RBFOX1: variants seen among roughly 807,000 people sequenced by gnomAD.
The protein encoded by RBFOX1 is RNA binding protein fox-1 homolog 1.
Under a neutral mutation model 57.7 loss-of-function variants are expected in RBFOX1, and 8 were observed. That is an observed-to-expected ratio of 0.14 (90% CI 0.08 to 0.25). The LOEUF (loss-of-function observed/expected upper bound fraction) is 0.25, where lower values mean the gene tolerates loss of function less well. Ranked by LOEUF, RBFOX1 falls within the 10% of genes least tolerant of loss-of-function variation. The probability of loss-of-function intolerance (pLI) is 1.00; values close to 1 mark genes in which losing one functional copy is unlikely to be tolerated. For missense variants in RBFOX1, 611 were observed against 548.5 expected, an observed-to-expected ratio of 1.11 and a Z score of -1.14; for synonymous variants, 326 against 222.4, an observed-to-expected ratio of 1.47 and a Z score of -4.15.
chr16:5,509,604 C>T (rs1291049958), intron 2 of RBFOX1, among the ~76,000 whole-genome samples: 2 of 152,148 alleles, frequency 1.3e-5, no homozygotes, highest in Non-Finnish European at 2.9e-5. Flanking sequence ...CAGTGAGGGG[C>T]CCTTGCAAAT....
intron 5 of RBFOX1, among the ~76,000 whole-genome samples, chr16:7,520,723 G>T (rs1341724669): frequency 1.3e-5 from 2 of 152,170 alleles, no homozygotes; most frequent in African/African-American, 2.4e-5. Context: ...CTTTTGCGCT[G>T]ACTACCAGGT....
chr16:6,942,385 C>G (rs992584409), intron 3 of RBFOX1, among the ~76,000 whole-genome samples: 7 of 152,138 alleles, frequency 4.6e-5, no homozygotes, highest in Non-Finnish European at 8.8e-5. Context: ...ATCTCGAACC[C>G]TTGGGTTCAA....
chr16:6,805,305 G>A (rs904283209), intron 3 of RBFOX1, among the ~76,000 whole-genome samples: 2 of 152,140 alleles, frequency 1.3e-5, no homozygotes, highest in African/African-American at 2.4e-5. Context: ...AACAAATATT[G>A]CATGTTCTCA....
intron 4 of RBFOX1, among the ~76,000 whole-genome samples, chr16:7,482,064 G>C (rs578251315): frequency 6.6e-6 from 1 of 152,226 alleles, no homozygotes; most frequent in Non-Finnish European, 1.5e-5. Context: ...AAATCAAGCC[G>C]TGCAGCGTCC....
At chr16:7,699,015 G>T (rs916586165) in intron 14 of RBFOX1, among the ~76,000 whole-genome samples, 1 of 152,170 alleles carries the variant, frequency 6.6e-6, no homozygotes, top group African/African-American at 2.4e-5. Context: ...ATGCACCAAA[G>T]TCACCTGGAG....
At chr16:5,821,774 T>C (rs2055866325) in intron 3 of RBFOX1, among the ~76,000 whole-genome samples, 1 of 152,192 alleles carries the variant, frequency 6.6e-6, no homozygotes, top group African/African-American at 2.4e-5. Flanking sequence ...GTTCAGTGTT[T>C]AGTGAGGGCT....
At chr16:7,010,372 C>A (rs562819396) in intron 3 of RBFOX1, among the ~76,000 whole-genome samples, 1 of 152,140 alleles carries the variant, frequency 6.6e-6, no homozygotes, top group Non-Finnish European at 1.5e-5. Context: ...CAGACTCTTA[C>A]GCTAGGACAC....
chr16:6,342,698 G>A (rs1342142474), intron 2 of RBFOX1, among the ~76,000 whole-genome samples: 1 of 152,100 alleles, frequency 6.6e-6, no homozygotes, highest in African/African-American at 2.4e-5. Context: ...TCCTCTAAAT[G>A]CTTTTTGTGA....
chr16:5,851,430 C>T lies in RBFOX1; in HGVS notation c.319-15873C>T, dbSNP rs114824570. 6.7e-3 allele frequency among the ~76,000 whole-genome samples: 1,024 copies of T among 152,194 alleles called. 13 individuals are homozygous for T. The highest frequency in any genetic ancestry group is 0.023 in the African/African-American group (955 of 41,530). On this transcript the variant is annotated intron_variant, in intron 3 of 19. Coordinates refer to the RBFOX1 transcript ENST00000641259. Reference sequence around the variant, plus strand: ...TCTGCATCCCTCCTCCTTAATTTTCCTCTGTGTGTTTTCCAAGGCATTCTC... The same window carrying T: ...TCTGCATCCCTCCTCCTTAATTTTCTTCTGTGTGTTTTCCAAGGCATTCTC...
At chr16:7,257,726 A>C (rs1404989144) in intron 4 of RBFOX1, among the ~76,000 whole-genome samples, 1 of 152,186 alleles carries the variant, frequency 6.6e-6, no homozygotes, top group Non-Finnish European at 1.5e-5. Flanking sequence ...TCTGTTCTGC[A>C]TAGATGTTGC....
At chr16:7,482,077 A>G (rs1296860703) in intron 4 of RBFOX1, among the ~76,000 whole-genome samples, 1 of 152,224 alleles carries the variant, frequency 6.6e-6, no homozygotes, top group East Asian at 1.9e-4. Context: ...CAGCGTCCAC[A>G]CCTAGCAAGG....
At chr16:5,449,507 A>T (rs1000604964) in intron 1 of RBFOX1, among the ~76,000 whole-genome samples, 40 of 152,296 alleles carry the variant, frequency 2.6e-4, no homozygotes, top group African/African-American at 9.1e-4. Context: ...TAAGTTGCCC[A>T]AGATCTAAAG....
chr16:6,206,013 A>G (rs2097253142), intron 1 of RBFOX1, among the ~76,000 whole-genome samples: 3 of 152,092 alleles, frequency 2.0e-5, no homozygotes, highest in East Asian at 1.9e-4. Context: ...AGAGCAGAAC[A>G]TAGAGATAGC....
intron 4 of RBFOX1, among the ~76,000 whole-genome samples, chr16:6,005,371 A>G (rs1388139007): frequency 6.6e-6 from 1 of 152,220 alleles, no homozygotes; most frequent in Non-Finnish European, 1.5e-5. Context: ...TTTGTTGAGC[A>G]TCTGCTATGG....
In RBFOX1 at chr16:6,925,109, G is replaced by GT. The variant is rs57556084; in HGVS notation, c.-15-126906dup. Among the ~76,000 whole-genome samples the GT allele has an allele frequency of 8.8e-5, 4 of 45,250 alleles. 1 individual carries two copies. The highest frequency in any genetic ancestry group is 1.2e-4 in the Non-Finnish European group (3 of 24,800). The allele number at this position is 45,250 out of a possible 152,430, so 29.7% of individuals were successfully genotyped here. A position where few individuals can be genotyped will look rare whatever the true frequency, so the allele number is the denominator to read the frequency against. On this transcript the variant is annotated intron_variant, in intron 3 of 15. Coordinates refer to ENST00000550418, the MANE Select transcript of RBFOX1 (RefSeq NM_018723.4). Reference sequence around the variant, plus strand: ...TCGTTGTTGGACATCTAGGTTGTTGGTTTTTTTTTTTTTTTTTTTTTTTTT... The same window carrying GT: ...TCGTTGTTGGACATCTAGGTTGTTGGTTTTTTTTTTTTTTTTTTTTTTTTTT...
At chr16:7,293,862 C>G (rs972219247) in intron 4 of RBFOX1, among the ~76,000 whole-genome samples, 1 of 152,046 alleles carries the variant, frequency 6.6e-6, no homozygotes, top group African/African-American at 2.4e-5. Context: ...CTAAGAATTC[C>G]TGGGGTGTCT....
chr16:6,927,895 A>C (rs149937265), intron 3 of RBFOX1, among the ~76,000 whole-genome samples: 1 of 152,370 alleles, frequency 6.6e-6, no homozygotes, highest in Non-Finnish European at 1.5e-5. Flanking sequence ...AGCATACGCT[A>C]AACATCATCT....
chr16:7,308,312 C>T (rs1002736122), intron 4 of RBFOX1, among the ~76,000 whole-genome samples: 676 of 60,598 alleles, frequency 0.011, 2 homozygotes, highest in African/African-American at 0.032. Context: ...TTTTTTTTTC[C>T]ACTGAGTTTA....
intron 2 of RBFOX1, among the ~76,000 whole-genome samples, chr16:6,612,360 A>AT (rs1285860036): frequency 1.3e-5 from 2 of 152,204 alleles, no homozygotes; most frequent in African/African-American, 4.8e-5. Flanking sequence ...TAAAACCAAC[A>AT]TTGCCACTGC....
Sources: allele counts gnomAD v4.1 joint callset (sites outside exome capture counted in the v4.1 genomes callset), GRCh38; gene constraint gnomAD v4.1.1; transcripts MANE v1.5; gene names NCBI Gene and HGNC (gene_info 2026-07-23, HGNC 2026-07-21).